LDAH: variants seen among roughly 807,000 people sequenced by gnomAD.
LDAH encodes the protein lipid droplet associated hydrolase.
Under a neutral mutation model 29.6 loss-of-function variants are expected in LDAH, and 26 were observed. The ratio of observed to expected loss-of-function variants is 0.88; its 90% CI spans 0.64 to 1.22. LDAH has a LOEUF of 1.22. LDAH is among the 50% of genes most tolerant of loss of function. The pLI, the probability that LDAH is intolerant of heterozygous loss-of-function variation, is 0.00. For synonymous variants in LDAH, 117 were observed against 133.0 expected (o/e 0.88, Z 0.83); for missense variants, 344 against 387.3 (o/e 0.89, Z 0.94).
chr2:20,802,499 T>A (rs980398432), intron 1 of LDAH, among the ~76,000 whole-genome samples: 1 of 152,212 alleles, frequency 6.6e-6, no homozygotes, highest in African/African-American at 2.4e-5. Context: ...ATTATTTCTA[T>A]CACTCCTCCA....
At position 20,685,549 on chromosome 2, in the gene LDAH, A is replaced by G. The variant is rs1345275997; in HGVS notation, c.*1354T>C. ...ACAGTAACTCATTCAGCACTTACCA[A>G]TAAGTTGGCAGCAAATCAGAGCCAA... On this transcript the variant is annotated 3_prime_UTR_variant, in exon 7 of 7. Transcript: ENST00000237822. The G allele has an allele frequency of 2.6e-6, 4 of 1,550,364 alleles. No individual in the cohort carries two copies. The highest frequency in any genetic ancestry group is 2.4e-5 in the East Asian group (1 of 40,894).
intron 6 of LDAH, among the ~76,000 whole-genome samples, chr2:20,688,540 G>C (rs1662738301): frequency 1.3e-5 from 2 of 152,166 alleles, no homozygotes; most frequent in African/African-American, 4.8e-5. Flanking sequence ...AGGATTGGAG[G>C]TGATCAAGTG....
chr2:20,716,515 G>T (rs543277502), intron 5 of LDAH, among the ~76,000 whole-genome samples: 4 of 148,616 alleles, frequency 2.7e-5, no homozygotes, highest in African/African-American at 9.8e-5. Flanking sequence ...CTCATAGGTG[G>T]GAATTGAACA....
intron 1 of LDAH, among the ~76,000 whole-genome samples, chr2:20,822,670 C>G (rs1280961085): frequency 6.6e-6 from 1 of 152,168 alleles, no homozygotes; most frequent in Non-Finnish European, 1.5e-5. Flanking sequence ...AAGAACACTC[C>G]CGGCCCAGAG....
At chr2:20,710,617 T>TCC in intron 5 of LDAH, among the ~76,000 whole-genome samples, 1 of 132,878 alleles carries the variant, frequency 7.5e-6, no homozygotes, top group Admixed American at 8.0e-5. Context: ...TATATATATA[T>TCC]ATAGATATAT....
At chr2:20,694,135 C>G (rs1468598499) in intron 6 of LDAH, among the ~76,000 whole-genome samples, 1 of 130,106 alleles carries the variant, frequency 7.7e-6, no homozygotes, top group African/African-American at 3.1e-5. Context: ...CCTACACATA[C>G]AGGCCCCCTA....
intron 4 of LDAH, among the ~76,000 whole-genome samples, chr2:20,773,705 G>T (rs1172641181): frequency 6.6e-6 from 1 of 152,178 alleles, no homozygotes; most frequent in Non-Finnish European, 1.5e-5. Flanking sequence ...GGAGGCTATA[G>T]TTGTACATTT....
At chr2:20,736,737 G>A (rs1054391102) in intron 5 of LDAH, among the ~76,000 whole-genome samples, 3 of 151,932 alleles carry the variant, frequency 2.0e-5, no homozygotes, top group Non-Finnish European at 4.4e-5. Context: ...TATTATCAAC[G>A]CAAAGGGCAC....
intron 1 of LDAH, among the ~76,000 whole-genome samples, chr2:20,822,141 T>G (rs1416746262): frequency 6.6e-6 from 1 of 152,054 alleles, no homozygotes; most frequent in South Asian, 2.1e-4. Flanking sequence ...TTTTTTTTTT[T>G]TGAGACTGAG....
chr2:20,693,328 T>G (rs1663174885), intron 6 of LDAH, among the ~76,000 whole-genome samples: 1 of 152,238 alleles, frequency 6.6e-6, no homozygotes, highest in South Asian at 2.1e-4. Context: ...GACCTTACAT[T>G]AGCCTTTGAG....
chr2:20,721,185 G>A (rs1195124646), intron 5 of LDAH, among the ~76,000 whole-genome samples: 1 of 152,090 alleles, frequency 6.6e-6, no homozygotes, highest in Admixed American at 6.5e-5. Flanking sequence ...ACAAAGTGAA[G>A]AAACAGTCTA....
At chr2:20,738,170 T>C (rs1389810092) in intron 5 of LDAH, among the ~76,000 whole-genome samples, 3 of 151,562 alleles carry the variant, frequency 2.0e-5, no homozygotes, top group East Asian at 3.9e-4. Context: ...GAGAATCACT[T>C]GAACCTGGGA....
intron 5 of LDAH, among the ~76,000 whole-genome samples, chr2:20,705,824 C>T (rs914483700): frequency 3.3e-5 from 5 of 152,108 alleles, no homozygotes; most frequent in African/African-American, 4.8e-5. Context: ...TCATTTAAAT[C>T]TTTAAAATTT....
chr2:20,696,438 C>T lies in LDAH; in HGVS notation c.786+5132G>A, dbSNP rs529980965. 2.3e-4 allele frequency among the ~76,000 whole-genome samples: 35 copies of T among 151,932 alleles called. No homozygotes were observed. The Middle Eastern group carries it at 0.014, about 59-fold the overall frequency. Reference sequence around the variant, plus strand: ...AGGGGCAGCACCACCTTACAGGCAGCCCCCCTACCACTGCCTAACTTCATC... The same window carrying T: ...AGGGGCAGCACCACCTTACAGGCAGTCCCCCTACCACTGCCTAACTTCATC... On this transcript the variant is annotated intron_variant, in intron 6 of 6. Transcript: ENST00000237822.
At position 20,702,271 on chromosome 2, in the gene LDAH, T is replaced by C. The variant is rs148100584; in HGVS notation, c.704-619A>G. Among the ~76,000 whole-genome samples, 13 of 152,304 alleles carry C rather than the reference T, an allele frequency of 8.5e-5. No individual in the cohort carries two copies. In the East Asian group the frequency reaches 2.5e-3, roughly 29 times the overall value. On this transcript the variant is annotated intron_variant, in intron 5 of 6. Transcript: ENST00000237822. The stretch of plus-strand genomic sequence containing the variant: ...GGCTTTCTTGTACTGGTAAGAAAAT[T>C]TTCATTCAATGCTTTGTACCCTGAA...
intron 1 of LDAH, among the ~76,000 whole-genome samples, chr2:20,818,161 C>G (rs1206041155): frequency 6.6e-6 from 1 of 152,120 alleles, no homozygotes; most frequent in Non-Finnish European, 1.5e-5. Context: ...GTTTTAATAT[C>G]GTACCACAGT....
chr2:20,762,281 G>C (rs1443217705), intron 4 of LDAH, among the ~76,000 whole-genome samples: 1 of 151,860 alleles, frequency 6.6e-6, no homozygotes, highest in Non-Finnish European at 1.5e-5. Flanking sequence ...CCAAAAAAAA[G>C]AATTAGTAGG....
intron 5 of LDAH, among the ~76,000 whole-genome samples, chr2:20,711,940 C>A (rs1462395531): frequency 6.6e-6 from 1 of 152,366 alleles, no homozygotes; most frequent in Admixed American, 6.5e-5. Flanking sequence ...TCTATAGACT[C>A]CACCTCTGAG....
chr2:20,778,029 A>G (rs1294780548), intron 3 of LDAH, among the ~76,000 whole-genome samples: 4 of 152,238 alleles, frequency 2.6e-5, no homozygotes, highest in Non-Finnish European at 5.9e-5. Flanking sequence ...TAAATTGAGA[A>G]CTGCCCGAAT....
Sources: gnomAD v4.1 joint callset for allele counts (sites outside exome capture counted in the v4.1 genomes callset) on GRCh38, gnomAD v4.1.1 for gene constraint, MANE v1.5 for transcripts, NCBI Gene and HGNC (gene_info 2026-07-23, HGNC 2026-07-21) for gene names.